Variants in ISLR2 observed in about 807,000 individuals in gnomAD.
ISLR2 encodes immunoglobulin superfamily containing leucine-rich repeat protein 2.
ISLR2 carries 16 observed loss-of-function variants against 25.5 expected under a neutral mutation model. That is an observed-to-expected ratio of 0.63 (90% CI 0.43 to 0.95). ISLR2 has a LOEUF of 0.95. Ranked by LOEUF, ISLR2 falls within the 40% of genes least tolerant of loss-of-function variation. The pLI, the probability that ISLR2 is intolerant of heterozygous loss-of-function variation, is 0.00. For synonymous variants in ISLR2, 508 were observed against 486.6 expected (o/e 1.04, Z -0.58); for missense variants, 883 against 1,030.7 (o/e 0.86, Z 1.96).
chr15:74,109,756 A>G lies in ISLR2; in HGVS notation n.228+5842A>G, dbSNP rs139750065. Among the ~76,000 whole-genome samples the G allele has an allele frequency of 3.0e-3, 451 of 152,274 alleles. 4 individuals carry two copies. Among genetic ancestry groups the G allele is most frequent in the African/African-American group, 0.01 (426 of 41,556 alleles). On this transcript the variant is annotated intron_variant and non_coding_transcript_variant, in intron 2 of 3. Coordinates refer to the ISLR2 transcript ENST00000561975. ...ATGGGGATGCTGATGCTGTTGGCCC[A>G]GGGACCACACTTTGAGAACCACTAA...
upstream of ISLR2, chr15:74,126,888 G>A (rs1043181142): frequency 9.9e-5 from 15 of 151,112 alleles, no homozygotes; most frequent in African/African-American, 3.5e-4. Flanking sequence ...TGGGGCTGGA[G>A]AGAACATTTG....
At chr15:74,139,487 T>C (rs1430152579), downstream of ISLR2, among the ~76,000 whole-genome samples, 2 of 152,226 alleles carry the variant, frequency 1.3e-5, no homozygotes, top group Non-Finnish European at 2.9e-5. Flanking sequence ...CAATTTGAGG[T>C]TGAATTCATT....
At chr15:74,128,668 G>A (rs868253306), upstream of ISLR2, 8 of 456,204 alleles carry the variant, frequency 1.8e-5, no homozygotes, top group South Asian at 1.2e-4. Context: ...GTAAAAACCG[G>A]CGGAGGGCCT....
intron 2 of ISLR2, among the ~76,000 whole-genome samples, chr15:74,114,159 G>A (rs1279020418): frequency 6.6e-6 from 1 of 152,192 alleles, no homozygotes; most frequent in East Asian, 1.9e-4. Context: ...CACTTCATGT[G>A]ATTCCCTTCT....
At chr15:74,107,341 C>T (rs1274830549) in intron 2 of ISLR2, among the ~76,000 whole-genome samples, 1 of 152,204 alleles carries the variant, frequency 6.6e-6, no homozygotes, top group African/African-American at 2.4e-5. Context: ...AGAGAGTCCC[C>T]TCAGTCATGG....
intron 2 of ISLR2, among the ~76,000 whole-genome samples, chr15:74,122,993 T>C (rs535950888): frequency 6.6e-6 from 1 of 152,124 alleles, no homozygotes; most frequent in South Asian, 2.1e-4. Context: ...GGACTGAGAG[T>C]TGCAGAGCAG....
At chr15:74,116,299 G>A (rs1343973944) in intron 2 of ISLR2, among the ~76,000 whole-genome samples, 1 of 150,914 alleles carries the variant, frequency 6.6e-6, no homozygotes, top group African/African-American at 2.4e-5. Context: ...GGTGGCTCAC[G>A]CCTGTAATCA....
At chr15:74,129,083 C>T (rs887398232), upstream of ISLR2, 4 of 456,432 alleles carry the variant, frequency 8.8e-6, no homozygotes, top group African/African-American at 8.0e-5. The surrounding 1 kb of genome is among the most constrained non-coding windows in gnomAD (Gnocchi z 4.5). Context: ...CGCCTTGCGC[C>T]CTCCCCATGG....
At chr15:74,128,946 A>G (rs1362704390), upstream of ISLR2, 2 of 451,000 alleles carry the variant, frequency 4.4e-6, no homozygotes, top group Admixed American at 2.4e-5. Context: ...CACAAGGCCT[A>G]GAAACCTCAG....
chr15:74,130,268 C>CA (rs2072378384), upstream of ISLR2: 1 of 151,620 alleles, frequency 6.6e-6, no homozygotes, highest in African/African-American at 2.4e-5. Flanking sequence ...CAGATCCAGG[C>CA]AAAAATGGTA....
At chr15:74,114,628 A>G (rs2072196944) in intron 2 of ISLR2, among the ~76,000 whole-genome samples, 1 of 151,916 alleles carries the variant, frequency 6.6e-6, no homozygotes, top group Non-Finnish European at 1.5e-5. Context: ...AAAAAAAAAG[A>G]TACAGATGTA....
upstream of ISLR2, chr15:74,128,391 A>C (rs903836958): frequency 2.3e-6 from 1 of 443,196 alleles, no homozygotes; most frequent in Admixed American, 2.7e-5. Flanking sequence ...GGCCCGCGGG[A>C]GTCAGCTCCC....
upstream of ISLR2, chr15:74,128,406 A>C: frequency 2.2e-6 from 1 of 453,646 alleles, no homozygotes. Context: ...GCTCCCGCCC[A>C]GGGGTGGTCA....
chr15:74,114,300 C>T (rs572131616), intron 2 of ISLR2, among the ~76,000 whole-genome samples: 4 of 152,116 alleles, frequency 2.6e-5, no homozygotes, highest in South Asian at 4.2e-4. Flanking sequence ...GGCCACAATT[C>T]GAAGTACGAT....
At chr15:74,121,017 C>G (rs2072248728) in intron 2 of ISLR2, among the ~76,000 whole-genome samples, 1 of 151,950 alleles carries the variant, frequency 6.6e-6, no homozygotes, top group African/African-American at 2.4e-5. Context: ...CTTCCCTTCC[C>G]CTTCCTCTCT....
At chr15:74,118,644 CTATTATTATTATTAT>C (rs112112565) in intron 2 of ISLR2, among the ~76,000 whole-genome samples, 2 of 145,722 alleles carry the variant, frequency 1.4e-5, no homozygotes, top group African/African-American at 5.0e-5. Flanking sequence ...AAATCTGAAG[CTATTATTATTATTAT>C]TATTATTATT....
chr15:74,112,606 C>T (rs1212362010), intron 2 of ISLR2, among the ~76,000 whole-genome samples: 3 of 151,446 alleles, frequency 2.0e-5, no homozygotes, highest in African/African-American at 7.3e-5. Flanking sequence ...CAGCTCGCTG[C>T]AACCTCCACC....
At chr15:74,131,535 G>C (rs1382621095) in intron 2 of ISLR2, among the ~76,000 whole-genome samples, 3 of 152,192 alleles carry the variant, frequency 2.0e-5, no homozygotes, top group African/African-American at 7.2e-5. Context: ...CTCCAAATGG[G>C]GGCAGGGAGT....
At chr15:74,110,724 AG>A (rs1029322888) in intron 2 of ISLR2, among the ~76,000 whole-genome samples, 22 of 151,508 alleles carry the variant, frequency 1.5e-4, no homozygotes, top group Admixed American at 9.9e-4. Context: ...TAGGATCCTG[AG>A]GTAGGCAGAT....
Sources: allele counts gnomAD v4.1 joint callset (sites outside exome capture counted in the v4.1 genomes callset), GRCh38; gene constraint gnomAD v4.1.1; non-coding constraint Gnocchi (gnomAD v3.1); transcripts MANE v1.5; gene names NCBI Gene and HGNC (gene_info 2026-07-23, HGNC 2026-07-21).